CTNNA2: variants seen among roughly 807,000 people sequenced by gnomAD.
CTNNA2 encodes the protein catenin alpha-2.
Under a neutral mutation model 101.0 loss-of-function variants are expected in CTNNA2, and 42 were observed. The observed-to-expected ratio is 0.42, with a 90% CI of 0.32 to 0.54. CTNNA2 has a LOEUF of 0.54. CTNNA2 is among the 20% of genes least tolerant of loss of function. The pLI, the probability that CTNNA2 is intolerant of heterozygous loss-of-function variation, is 0.14. For missense variants in CTNNA2, 871 were observed against 1,223.1 expected (o/e 0.71, Z 4.29); for synonymous variants, 450 against 456.4 (o/e 0.99, Z 0.18).
intron 7 of CTNNA2, among the ~76,000 whole-genome samples, chr2:80,374,678 C>CGTGTGTGTGTGTGTGT (rs1337506974): frequency 7.0e-5 from 10 of 143,222 alleles, no homozygotes; most frequent in Admixed American, 2.1e-4. Flanking sequence ...TGCGTGCGTG[C>CGTGTGTGTGTGTGTGT]GTGCGTGTGT....
At chr2:80,585,679 T>A (rs1316455584) in intron 14 of CTNNA2, among the ~76,000 whole-genome samples, 1 of 152,220 alleles carries the variant, frequency 6.6e-6, no homozygotes, top group East Asian at 1.9e-4. Context: ...TGTGTTAACA[T>A]TTCAAACTGC....
chr2:80,564,637 A>G (rs942773993), intron 12 of CTNNA2, among the ~76,000 whole-genome samples: 1 of 151,552 alleles, frequency 6.6e-6, no homozygotes, highest in African/African-American at 2.4e-5. Context: ...ATATACATTT[A>G]TAATTTTCCC....
intron 4 of CTNNA2, among the ~76,000 whole-genome samples, chr2:79,479,838 G>A (rs558756148): frequency 9.3e-4 from 142 of 152,108 alleles, no homozygotes; most frequent in Admixed American, 1.9e-3. Flanking sequence ...CAGGAGAATC[G>A]CTTGAACCCA....
At chr2:80,132,561 T>C (rs1439574926) in intron 7 of CTNNA2, among the ~76,000 whole-genome samples, 1 of 152,170 alleles carries the variant, frequency 6.6e-6, no homozygotes, top group East Asian at 1.9e-4. Flanking sequence ...TACCTTTGAA[T>C]TGATTATTTA....
At chr2:79,342,217 A>T (rs1677154056) in intron 3 of CTNNA2, among the ~76,000 whole-genome samples, 1 of 152,224 alleles carries the variant, frequency 6.6e-6, no homozygotes, top group African/African-American at 2.4e-5. Flanking sequence ...GTATTGAGGT[A>T]AATATAGGCT....
chr2:79,265,229 T>C (rs1674973502), intron 2 of CTNNA2, among the ~76,000 whole-genome samples: 1 of 152,136 alleles, frequency 6.6e-6, no homozygotes, highest in Admixed American at 6.6e-5. Flanking sequence ...ACACAACATA[T>C]GGCAAAAAGC....
intron 15 of CTNNA2, 90 bp from the exon 16 acceptor site, chr2:80,603,984 A>G: frequency 9.3e-7 from 1 of 1,079,602 alleles, no homozygotes. Context: ...AATAAAATAC[A>G]ACACTAGACT....
At chr2:80,638,965 A>C (rs140971530) in intron 18 of CTNNA2, among the ~76,000 whole-genome samples, 28 of 152,276 alleles carry the variant, frequency 1.8e-4, no homozygotes, top group Non-Finnish European at 2.9e-4. Flanking sequence ...GAGCCATTCC[A>C]TACAGATTTC....
At chr2:79,901,427 T>C (rs982564691) in intron 6 of CTNNA2, among the ~76,000 whole-genome samples, 1 of 152,104 alleles carries the variant, frequency 6.6e-6, no homozygotes. Context: ...CACATTTGTC[T>C]TACAGAATTG....
In CTNNA2 at chr2:80,171,490, C is replaced by T. The variant is rs1390672934; in HGVS notation, c.1057-221721C>T. Among the ~76,000 whole-genome samples the T allele has an allele frequency of 3.9e-5, 6 of 152,240 alleles. No homozygotes were observed. In the South Asian group the frequency reaches 1.0e-3, roughly 26 times the overall value. On this transcript the variant is annotated intron_variant, in intron 7 of 18. Transcript: ENST00000402739. The stretch of plus-strand genomic sequence containing the variant: ...ATTTCTTAGGGTATCTGTTAAGATA[C>T]TGTAACAAAGAAGCCCCCAAATATG...
In CTNNA2 at chr2:80,090,715, C is replaced by G. The variant is rs570659776; in HGVS notation, c.1056+180918C>G. Among the ~76,000 whole-genome samples, 4 of 152,142 alleles carry G rather than the reference C, an allele frequency of 2.6e-5. No individual in the cohort carries two copies. The South Asian group carries it at 8.3e-4, about 32-fold the overall frequency. ...CAGGGATATGCAAAGATGGAATTGA[C>G]AACACCATGAGGCTGAAAATAGTCA... On this transcript the variant is annotated intron_variant, in intron 7 of 18. Transcript: ENST00000402739.
chr2:79,699,319 A>G (rs768627695), intron 2 of CTNNA2, among the ~76,000 whole-genome samples: 3 of 152,094 alleles, frequency 2.0e-5, no homozygotes, highest in Non-Finnish European at 4.4e-5. Context: ...TTCCTGATTC[A>G]TTAATAAGAT....
intron 1 of CTNNA2, among the ~76,000 whole-genome samples, chr2:79,640,699 T>C (rs768820817): frequency 4.6e-5 from 7 of 152,196 alleles, no homozygotes; most frequent in Non-Finnish European, 7.3e-5. Flanking sequence ...AGATAAAGAA[T>C]TGATACTTGA....
At chr2:79,845,447 A>G (rs1366302256) in intron 3 of CTNNA2, among the ~76,000 whole-genome samples, 2 of 152,318 alleles carry the variant, frequency 1.3e-5, no homozygotes, top group East Asian at 1.9e-4. Flanking sequence ...AGCTATGTTC[A>G]TATCATCAAT....
At chr2:79,588,775 G>A (rs529956805) in intron 1 of CTNNA2, among the ~76,000 whole-genome samples, 1 of 152,182 alleles carries the variant, frequency 6.6e-6, no homozygotes, top group Non-Finnish European at 1.5e-5. Flanking sequence ...GAAGCCTCTT[G>A]GTGTAGGCAT....
chr2:79,332,714 C>T (rs1457499237), intron 3 of CTNNA2, among the ~76,000 whole-genome samples: 6 of 152,066 alleles, frequency 3.9e-5, no homozygotes, highest in Non-Finnish European at 8.8e-5. Context: ...CAGGGATTGG[C>T]GTTAAAGGCA....
chr2:80,580,484 GT>G (rs1695435228), intron 13 of CTNNA2, among the ~76,000 whole-genome samples: 1 of 152,134 alleles, frequency 6.6e-6, no homozygotes, highest in Non-Finnish European at 1.5e-5. Flanking sequence ...ACACCTGGGT[GT>G]TTAGATCTAA....
chr2:80,163,164 C>A (rs1237865045), intron 7 of CTNNA2: 1 of 1,458,922 alleles, frequency 6.9e-7, no homozygotes, highest in Non-Finnish European at 9.6e-7. Flanking sequence ...TGGAAAACCT[C>A]GAAAAGGAGC....
intron 12 of CTNNA2, among the ~76,000 whole-genome samples, chr2:80,561,775 C>T (rs1228130245): frequency 1.3e-5 from 2 of 152,018 alleles, no homozygotes; most frequent in Non-Finnish European, 1.5e-5. Flanking sequence ...ATTCTATTGC[C>T]TCAGCTTCCC....
Sources: gnomAD v4.1 joint callset for allele counts (sites outside exome capture counted in the v4.1 genomes callset) on GRCh38, gnomAD v4.1.1 for gene constraint, MANE v1.5 for transcripts, NCBI Gene and HGNC (gene_info 2026-07-23, HGNC 2026-07-21) for gene names.